The following GARNL3 variants were observed in gnomAD, a reference collection of about 807,000 sequenced individuals.
GARNL3 encodes the protein GTPase activating Rap/RanGAP domain like 3.
In GARNL3, 63 loss-of-function variants were observed where a neutral mutation model predicts 125.0. The ratio of observed to expected loss-of-function variants is 0.50; its 90% CI spans 0.41 to 0.62. The LOEUF (loss-of-function observed/expected upper bound fraction) is 0.62, where lower values mean the gene tolerates loss of function less well. GARNL3 is among the 20% of genes least tolerant of loss of function. The pLI is 0.00. For synonymous variants in GARNL3, 439 were observed against 457.5 expected, an observed-to-expected ratio of 0.96 and a Z score of 0.52; for missense variants, 994 against 1,244.0, an observed-to-expected ratio of 0.80 and a Z score of 3.02.
intron 22 of GARNL3, among the ~76,000 whole-genome samples, chr9:127,379,000 A>G (rs1832097543): frequency 6.6e-6 from 1 of 151,670 alleles, no homozygotes; most frequent in African/African-American, 2.4e-5. Flanking sequence ...CTGGTCTCAA[A>G]CTCCTGACCT....
chr9:127,307,640 A>G (rs1293679191), intron 2 of GARNL3, among the ~76,000 whole-genome samples: 1 of 152,190 alleles, frequency 6.6e-6, no homozygotes, highest in East Asian at 1.9e-4. Context: ...TGTGATACCA[A>G]ATAGTATGCC....
intron 2 of GARNL3, among the ~76,000 whole-genome samples, chr9:127,309,245 T>C (rs1308767637): frequency 6.6e-6 from 1 of 152,188 alleles, no homozygotes; most frequent in East Asian, 1.9e-4. Flanking sequence ...CAGTTCCAGC[T>C]CCACTACTTA....
rs769770688 is a variant in GARNL3 at position 127,264,831 on chromosome 9, A to G, written c.-47A>G. The G allele has an allele frequency of 6.8e-6, 10 of 1,467,826 alleles. No individual in the cohort carries two copies. In the African/African-American group the frequency reaches 1.4e-4, roughly 21 times the overall value. The allele number at this position is 1,467,826 out of a possible 1,614,324, so 90.9% of individuals were successfully genotyped here. On this transcript the variant is annotated 5_prime_UTR_variant, in exon 1 of 28. The change abolishes the stop of an existing upstream ORF in the 5' untranslated region. Transcript: ENST00000373387. Reference sequence around the variant, plus strand: ...GTTGCAAGGAGGCTCCCCTGCAGTGAGGAGCCGGGGCACTGCAAGTCTGTT... The same window carrying G: ...GTTGCAAGGAGGCTCCCCTGCAGTGGGGAGCCGGGGCACTGCAAGTCTGTT...
In GARNL3 at chr9:127,345,470, A is replaced by T. The variant is rs1463221691; in HGVS notation, c.1424A>T (p.Lys475Ile). ...PSSLAASGIC[K>I]KEPWEPQCFC... Reference sequence around the variant, plus strand: ...AGCTTGGCAGCTTCAGGGATCTGTAAAAAAGAGGTGAGTTCATGATACTTT... The same window carrying T: ...AGCTTGGCAGCTTCAGGGATCTGTATAAAAGAGGTGAGTTCATGATACTTT... The change falls in exon 16 of 28, where the codon AAA becomes ATA. Residue 475 changes from lysine to isoleucine, a missense_variant. This residue lies in a region of GARNL3 where 728 missense variants were observed against 865.7 expected (regional missense o/e 0.84). Transcript: ENST00000373387. The T allele has an allele frequency of 6.3e-7, 1 of 1,597,112 alleles. No individual in the cohort carries two copies. Among genetic ancestry groups the T allele is most frequent in the Non-Finnish European group, 8.5e-7 (1 of 1,169,696 alleles).
intron 2 of GARNL3, among the ~76,000 whole-genome samples, chr9:127,254,780 A>C (rs943986014): frequency 5.9e-5 from 9 of 152,046 alleles, no homozygotes; most frequent in South Asian, 2.1e-4. Flanking sequence ...AAAAAAAAAA[A>C]AAACTACCAA....
intron 21 of GARNL3, among the ~76,000 whole-genome samples, chr9:127,360,203 A>G (rs904768239): frequency 6.6e-6 from 1 of 152,036 alleles, no homozygotes; most frequent in Non-Finnish European, 1.5e-5. Context: ...TTGTATTTTT[A>G]GTAGAGACAG....
At chr9:127,390,312 A>C (rs573854733) in intron 26 of GARNL3, among the ~76,000 whole-genome samples, 6 of 152,300 alleles carry the variant, frequency 3.9e-5, no homozygotes, top group African/African-American at 1.4e-4. Context: ...TGATCTGCCC[A>C]CCACTGTTTA....
chr9:127,346,402 G>A (rs1380352400), intron 16 of GARNL3, among the ~76,000 whole-genome samples: 1 of 152,176 alleles, frequency 6.6e-6, no homozygotes, highest in East Asian at 1.9e-4. Context: ...AAAATGATGA[G>A]CTCAAAATAT....
At position 127,242,310 on chromosome 9, in the gene GARNL3, CTTGT is replaced by C. The variant is rs1172409901; in HGVS notation, c.-28-764_-28-761del. Among the ~76,000 whole-genome samples the C allele has an allele frequency of 6.6e-6, 1 of 152,090 alleles. No individual in the cohort carries two copies. The highest frequency in any genetic ancestry group is 6.6e-5 in the Admixed American group (1 of 15,260). ...TTTCCAAGTAATTGGATTTTGCTGGCTTGTTTGTCTGTCAGTTGAGGTAGAGGTG... is the reference window on the plus strand; with the variant it reads ...TTTCCAAGTAATTGGATTTTGCTGGCTTGTCTGTCAGTTGAGGTAGAGGTG... On this transcript the variant is annotated intron_variant, in intron 1 of 10. Transcript: ENST00000439286. This position sits in a 1 kb window ranked among gnomAD's most constrained non-coding sequence, Gnocchi z 4.6.
intron 26 of GARNL3, among the ~76,000 whole-genome samples, chr9:127,390,222 GT>G (rs1241744982): frequency 6.6e-6 from 1 of 152,160 alleles, no homozygotes; most frequent in Non-Finnish European, 1.5e-5. Context: ...AAGTCCATTG[GT>G]TTTTCAAGTT....
intron 1 of GARNL3, among the ~76,000 whole-genome samples, chr9:127,228,177 G>A (rs1229060280): frequency 1.3e-5 from 2 of 152,070 alleles, no homozygotes; most frequent in Admixed American, 1.3e-4. Flanking sequence ...CTGTCATATG[G>A]ATATATTACC....
At chr9:127,244,294 A>G (rs1290443450) in intron 2 of GARNL3, among the ~76,000 whole-genome samples, 1 of 152,222 alleles carries the variant, frequency 6.6e-6, no homozygotes, top group Non-Finnish European at 1.5e-5. Context: ...AAGAGAAGGG[A>G]TAACAGTTGA....
chr9:127,227,801 T>C (rs1030340504), intron 1 of GARNL3, among the ~76,000 whole-genome samples: 1 of 151,804 alleles, frequency 6.6e-6, no homozygotes, highest in Non-Finnish European at 1.5e-5. Context: ...ATGCCTGTAG[T>C]CTCAGCTACT....
chr9:127,368,807 C>T (rs970812479), intron 22 of GARNL3, among the ~76,000 whole-genome samples: 8 of 151,900 alleles, frequency 5.3e-5, no homozygotes, highest in African/African-American at 9.7e-5. Flanking sequence ...TGGTGGTGCG[C>T]GCCTGTAGTC....
In GARNL3 at chr9:127,346,145, G is replaced by A. The variant is rs1830125527; in HGVS notation, c.1431+668G>A. 3.3e-5 allele frequency among the ~76,000 whole-genome samples: 5 copies of A among 152,270 alleles called. No homozygotes were observed. The South Asian group carries it at 1.0e-3, about 32-fold the overall frequency. ...CTTTCCATGGGGGTAAAAACTAGGT[G>A]ATCATCAAAAATAAAACAGACAAAA... On this transcript the variant is annotated intron_variant, in intron 16 of 27. Transcript: ENST00000373387.
Position 127,355,345 on chromosome 9 carries a change from T to C in GARNL3, c.1808T>C (p.Ile603Thr), listed in dbSNP as rs369350253. 8.1e-6 allele frequency: 13 copies of C among 1,614,128 alleles called. No individual in the cohort carries two copies. The African/African-American group carries it at 1.7e-4, about 22-fold the overall frequency. ...INTHHSRELRIVVAIRNKLLL... is the reference protein window; with the variant it reads ...INTHHSRELRTVVAIRNKLLL... The stretch of plus-strand genomic sequence containing the variant: ...ACTCACCACAGCAGAGAGCTGAGGA[T>C]TGTGGTTGCAATTCGGAATAAACTG... The change falls in exon 20 of 28, where the codon ATT becomes ACT. Residue 603 changes from isoleucine to threonine, a missense_variant. Ile to Thr is a moderately conservative substitution (Grantham distance 89). Around this residue, in one of 5 missense-constraint regions of GARNL3, gnomAD observed 728 missense variants for 865.7 expected, o/e 0.84. Transcript: ENST00000373387.
At chr9:127,324,271 A>G (rs2065495559) in intron 6 of GARNL3, among the ~76,000 whole-genome samples, 1 of 152,172 alleles carries the variant, frequency 6.6e-6, no homozygotes, top group Non-Finnish European at 1.5e-5. Context: ...CAAAAAAAGA[A>G]AGAATAAAAT....
intron 3 of GARNL3, among the ~76,000 whole-genome samples, chr9:127,313,039 G>A (rs905833890): frequency 2.0e-5 from 3 of 152,166 alleles, no homozygotes; most frequent in African/African-American, 7.2e-5. Flanking sequence ...CCGTTTTTCT[G>A]CTTCCCCATC....
intron 19 of GARNL3, among the ~76,000 whole-genome samples, chr9:127,355,001 C>T (rs376164033): frequency 1.3e-5 from 2 of 152,336 alleles, no homozygotes; most frequent in South Asian, 2.1e-4. Flanking sequence ...CCAAGTTGGC[C>T]AGGCTGGTCT....
Sources: allele counts gnomAD v4.1 joint callset (sites outside exome capture counted in the v4.1 genomes callset), GRCh38; gene constraint gnomAD v4.1.1; regional missense constraint gnomAD v4.1.1; non-coding constraint Gnocchi (gnomAD v3.1); transcripts MANE v1.5; gene names NCBI Gene and HGNC (gene_info 2026-07-23, HGNC 2026-07-21).